Variants in TAFA5 observed in about 807,000 individuals in gnomAD.
The protein encoded by TAFA5 is TAFA chemokine like family member 5, also known as chemokine-like protein TAFA-5.
Under a neutral mutation model 15.3 loss-of-function variants are expected in TAFA5, and 6 were observed. The ratio of observed to expected loss-of-function variants is 0.39; its 90% CI spans 0.21 to 0.77. TAFA5 has a LOEUF of 0.77. TAFA5 is among the 30% of genes least tolerant of loss of function. The pLI, the probability that TAFA5 is intolerant of heterozygous loss-of-function variation, is 0.41. For synonymous variants in TAFA5, 103 were observed against 80.7 expected (o/e 1.28, Z -1.48); for missense variants, 161 against 193.1 (o/e 0.83, Z 0.98).
rs76546570 is a variant in TAFA5 at position 48,670,112 on chromosome 22, C to T, written c.262+23366C>T. Among the ~76,000 whole-genome samples, 725 of 152,300 alleles carry T rather than the reference C, an allele frequency of 4.8e-3. 6 individuals carry two copies. Among genetic ancestry groups the T allele is most frequent in the African/African-American group, 0.016 (685 of 41,556 alleles). The stretch of plus-strand genomic sequence containing the variant: ...TGTTCAGCCCTGGCCTCATGTTAGG[C>T]GCTTAGATCCTCTCAGAGGACAGCT... On this transcript the variant is annotated intron_variant, in intron 2 of 3. Transcript: ENST00000402357.
Position 48,597,957 on chromosome 22 carries a change from A to C in TAFA5, c.113-48640A>C, listed in dbSNP as rs137913597. Among the ~76,000 whole-genome samples the C allele has an allele frequency of 4.1e-3, 624 of 152,338 alleles. 3 individuals are homozygous for C. Among genetic ancestry groups the C allele is most frequent in the African/African-American group, 0.015 (604 of 41,576 alleles). ...ATGAACACAGGAGTCCCGGCCCTCC[A>C]TGGTGGGGGGAGTGTACCTGTCAGG... On this transcript the variant is annotated intron_variant, in intron 1 of 3. Transcript: ENST00000402357.
chr22:48,544,918 G>GC, intron 1 of TAFA5: 1 of 470,198 alleles, frequency 2.1e-6, no homozygotes. Flanking sequence ...ACCTCCTGCC[G>GC]CAAGGCCCTA....
chr22:48,734,659 T>C (rs111928845), intron 3 of TAFA5, among the ~76,000 whole-genome samples: 9,146 of 152,316 alleles, frequency 0.06, 780 homozygotes, highest in African/African-American at 0.19. Context: ...AGCACATAAG[T>C]AAATGCTAAA....
chr22:48,545,064 A>G (rs1922614650), intron 1 of TAFA5: 1 of 359,668 alleles, frequency 2.8e-6, no homozygotes. Flanking sequence ...CAGGGGAACC[A>G]TGACTTTCAC....
chr22:48,518,153 G>A (rs929397597), intron 1 of TAFA5, among the ~76,000 whole-genome samples: 2 of 152,188 alleles, frequency 1.3e-5, no homozygotes, highest in Non-Finnish European at 2.9e-5. Context: ...GGTAGGTCTG[G>A]GAGGCTTTCT....
chr22:48,639,522 A>T (rs1926597000), intron 1 of TAFA5, among the ~76,000 whole-genome samples: 1 of 152,118 alleles, frequency 6.6e-6, no homozygotes. Flanking sequence ...GCCCAGGCTG[A>T]GCTCCAGACA....
At position 48,515,368 on chromosome 22, in the gene TAFA5, C is replaced by G. The variant is rs535889195; in HGVS notation, c.112+25664C>G. Among the ~76,000 whole-genome samples, 5 of 152,356 alleles carry G rather than the reference C, an allele frequency of 3.3e-5. No individual in the cohort carries two copies. The South Asian group carries it at 8.3e-4, about 25-fold the overall frequency. On this transcript the variant is annotated intron_variant, in intron 1 of 3. Coordinates refer to ENST00000402357, the MANE Select transcript of TAFA5 (RefSeq NM_001082967.3). ...TGGGCTTCTGCAGGCAGGCGGATCA[C>G]CTGATCGCAGCTGTCTGTCCGCTGT...
In TAFA5 at chr22:48,577,719, G is replaced by A. The variant is rs562077890; in HGVS notation, c.113-68878G>A. The stretch of plus-strand genomic sequence containing the variant: ...ACCCTGTGACCTCCACGGGCCTGGT[G>A]TCCACTTCCCTCCCTTGCTTTTGGA... On this transcript the variant is annotated intron_variant, in intron 1 of 3. Transcript: ENST00000402357. Among the ~76,000 whole-genome samples the A allele has an allele frequency of 5.9e-5, 9 of 152,342 alleles. No individual in the cohort carries two copies. The South Asian group carries it at 1.9e-3, about 32-fold the overall frequency.
chr22:48,661,662 G>A (rs910163917), intron 2 of TAFA5, among the ~76,000 whole-genome samples: 2 of 152,184 alleles, frequency 1.3e-5, no homozygotes, highest in East Asian at 1.9e-4. Flanking sequence ...ATTTGGAGGA[G>A]ATGCCGGGGG....
chr22:48,723,989 C>A (rs1245146788), intron 3 of TAFA5, among the ~76,000 whole-genome samples: 1 of 152,252 alleles, frequency 6.6e-6, no homozygotes, highest in Admixed American at 6.5e-5. Flanking sequence ...CTTTGGGAAA[C>A]CCCTGCCCAT....
chr22:48,721,219 G>C (rs553126698), intron 3 of TAFA5, among the ~76,000 whole-genome samples: 130 of 152,320 alleles, frequency 8.5e-4, no homozygotes, highest in African/African-American at 2.9e-3. Context: ...CCCCATAGAG[G>C]GTTGCCCCTG....
intron 1 of TAFA5, chr22:48,545,556 T>A (rs73888926): frequency 0.039 from 5,924 of 153,734 alleles, 394 homozygotes; most frequent in African/African-American, 0.14. Context: ...TTATGGAGCA[T>A]CCTGTGTTGG....
chr22:48,671,477 G>A (rs1268798461), intron 2 of TAFA5, among the ~76,000 whole-genome samples: 2 of 152,212 alleles, frequency 1.3e-5, no homozygotes, highest in Admixed American at 6.5e-5. Flanking sequence ...AAAAGTCAGA[G>A]TGCTCCCTGC....
intron 3 of TAFA5, among the ~76,000 whole-genome samples, chr22:48,726,277 T>TA (rs1929711834): frequency 6.6e-6 from 1 of 152,262 alleles, no homozygotes; most frequent in Non-Finnish European, 1.5e-5. Context: ...GCCGAACCCT[T>TA]ACTGTCTTCA....
chr22:48,544,297 G>A (rs1290922424), intron 1 of TAFA5: 1 of 251,218 alleles, frequency 4.0e-6, no homozygotes, highest in East Asian at 9.2e-5. Context: ...GTGGACCTGG[G>A]GGGCATCCTC....
chr22:48,658,886 T>C (rs1207896745), intron 2 of TAFA5, among the ~76,000 whole-genome samples: 1 of 151,914 alleles, frequency 6.6e-6, no homozygotes, highest in Admixed American at 6.6e-5. Flanking sequence ...CTGAGGGGTG[T>C]GGAGGGAGCA....
intron 2 of TAFA5, among the ~76,000 whole-genome samples, chr22:48,699,131 C>T (rs1008942102): frequency 3.3e-5 from 5 of 151,988 alleles, no homozygotes; most frequent in African/African-American, 1.2e-4. Context: ...CGGGGTTTCA[C>T]CATGTTGGCC....
chr22:48,539,493 A>T (rs1437834923), intron 1 of TAFA5: 1 of 470,976 alleles, frequency 2.1e-6, no homozygotes, highest in African/African-American at 2.0e-5. Flanking sequence ...TTTCTTAAAG[A>T]CGGAGTTACA....
intron 1 of TAFA5, among the ~76,000 whole-genome samples, chr22:48,518,222 T>A (rs1307490156): frequency 1.3e-5 from 2 of 152,144 alleles, no homozygotes; most frequent in African/African-American, 4.8e-5. Context: ...GGGATCTGGG[T>A]GTCTGGACCT....
Sources: allele counts gnomAD v4.1 joint callset (sites outside exome capture counted in the v4.1 genomes callset), GRCh38; gene constraint gnomAD v4.1.1; transcripts MANE v1.5; gene names NCBI Gene and HGNC (gene_info 2026-07-23, HGNC 2026-07-21).